EXOC6B: variants seen among roughly 807,000 people sequenced by gnomAD.
EXOC6B encodes SEC15 homolog B.
EXOC6B carries 54 observed loss-of-function variants against 113.5 expected under a neutral mutation model. That is an observed-to-expected ratio of 0.48 (90% CI 0.38 to 0.60). The LOEUF is 0.60. EXOC6B is among the 20% of genes least tolerant of loss of function. The probability of loss-of-function intolerance (pLI) is 0.00; values close to 1 mark genes in which losing one functional copy is unlikely to be tolerated. For synonymous variants in EXOC6B, 357 were observed against 339.0 expected (o/e 1.05, Z -0.58); for missense variants, 797 against 977.5 (o/e 0.82, Z 2.46).
At chr2:72,402,006 A>C (rs1693369215) in intron 18 of EXOC6B, among the ~76,000 whole-genome samples, 1 of 151,792 alleles carries the variant, frequency 6.6e-6, no homozygotes, top group South Asian at 2.1e-4. Flanking sequence ...TTTTTTAGAC[A>C]AAAAAATGGC....
rs1682942737 is a variant in EXOC6B, at chr2:72,764,425, G to T, written c.114-22956C>A. Among the ~76,000 whole-genome samples the T allele has an allele frequency of 1.5e-5, 2 of 131,964 alleles. 1 individual carries two copies. The highest frequency in any genetic ancestry group is 5.1e-4 in the South Asian group (2 of 3,922). 86.6% of individuals were successfully genotyped at this position (131,964 alleles called of 152,430 possible). On this transcript the variant is annotated intron_variant, in intron 1 of 21. Coordinates refer to ENST00000272427, the MANE Select transcript of EXOC6B (RefSeq NM_015189.3). Reference sequence around the variant, plus strand: ...CTCACTCTGTTGCCCAGGCTGGAGTGCAGTGGTGTGATCACAGCTCACTGT... The same window carrying T: ...CTCACTCTGTTGCCCAGGCTGGAGTTCAGTGGTGTGATCACAGCTCACTGT...
intron 1 of EXOC6B, among the ~76,000 whole-genome samples, chr2:72,766,826 C>T (rs1306372455): frequency 6.6e-6 from 1 of 151,486 alleles, no homozygotes; most frequent in Non-Finnish European, 1.5e-5. Flanking sequence ...TAGTGGTGCG[C>T]GTCTGTAATC....
At chr2:72,551,852 C>G (rs566413180) in intron 8 of EXOC6B, among the ~76,000 whole-genome samples, 1 of 152,156 alleles carries the variant, frequency 6.6e-6, no homozygotes, top group Non-Finnish European at 1.5e-5. Context: ...AGATACAATG[C>G]GGTCATACTA....
At chr2:72,699,867 AGCTAAAAATATG>A (rs1398759456) in intron 6 of EXOC6B, among the ~76,000 whole-genome samples, 1 of 152,178 alleles carries the variant, frequency 6.6e-6, no homozygotes, top group Non-Finnish European at 1.5e-5. Flanking sequence ...ACAAAATCTA[AGCTAAAAATATG>A]GCTTTCTATA....
rs75071457 is a variant in EXOC6B at position 72,630,303 on chromosome 2, G to C, written c.670-54635C>G. Among the ~76,000 whole-genome samples the C allele has an allele frequency of 5.5e-3, 842 of 152,208 alleles. 7 individuals are homozygous for C. The highest frequency in any genetic ancestry group is 0.02 in the African/African-American group (813 of 41,514). Reference sequence around the variant, plus strand: ...CTAAGTGTGAGATCACAAATGTGTGGTCTACCAATATTTAGAAATTAGGAG... The same window carrying C: ...CTAAGTGTGAGATCACAAATGTGTGCTCTACCAATATTTAGAAATTAGGAG... On this transcript the variant is annotated intron_variant, in intron 6 of 21. Transcript: ENST00000272427.
intron 18 of EXOC6B, among the ~76,000 whole-genome samples, chr2:72,417,928 T>C (rs1694631681): frequency 6.6e-6 from 1 of 152,132 alleles, no homozygotes; most frequent in Non-Finnish European, 1.5e-5. Flanking sequence ...CACACAGAGG[T>C]GAATTTTGTT....
intron 18 of EXOC6B, among the ~76,000 whole-genome samples, chr2:72,407,058 A>G (rs1188348472): frequency 6.6e-6 from 1 of 152,218 alleles, no homozygotes; most frequent in East Asian, 1.9e-4. Flanking sequence ...ACAGAAATAC[A>G]AACTACCATC....
chr2:72,360,140 T>C (rs1386791972), intron 19 of EXOC6B, among the ~76,000 whole-genome samples: 1 of 151,708 alleles, frequency 6.6e-6, no homozygotes, highest in Non-Finnish European at 1.5e-5. Flanking sequence ...CAAGTTGGAG[T>C]GCAGTGGCAC....
intron 19 of EXOC6B, among the ~76,000 whole-genome samples, chr2:72,365,076 C>T (rs1047343703): frequency 6.6e-6 from 1 of 151,970 alleles, no homozygotes; most frequent in African/African-American, 2.4e-5. Flanking sequence ...AGGAATGTGG[C>T]GGGCAACTTA....
intron 6 of EXOC6B, among the ~76,000 whole-genome samples, chr2:72,632,094 C>G (rs1672507572): frequency 6.6e-6 from 1 of 151,676 alleles, no homozygotes; most frequent in South Asian, 2.1e-4. Context: ...ATGGATATAA[C>G]TGATGATTTA....
chr2:72,823,479 C>CA (rs1214480106), intron 1 of EXOC6B, among the ~76,000 whole-genome samples: 29 of 95,352 alleles, frequency 3.0e-4, no homozygotes, highest in African/African-American at 8.5e-4. Flanking sequence ...AAAAAAAAAA[C>CA]AAAAAACAAA....
rs553577205 is a variant in EXOC6B, at chr2:72,282,343, ATT to A, written c.2196+52602_2196+52603del. ...AGTCTAAAGTTGAAGATTTTCTGGGATTTGTTACAATTATATTAGACTAATAA... is the reference window on the plus strand; with the variant it reads ...AGTCTAAAGTTGAAGATTTTCTGGGATGTTACAATTATATTAGACTAATAA... On this transcript the variant is annotated intron_variant, in intron 20 of 21. Transcript: ENST00000272427. 1.1e-4 allele frequency among the ~76,000 whole-genome samples: 17 copies of A among 152,218 alleles called. No homozygotes were observed. The East Asian group carries it at 3.1e-3, about 28-fold the overall frequency.
At chr2:72,339,901 C>T (rs1293548713) in intron 19 of EXOC6B, among the ~76,000 whole-genome samples, 1 of 152,006 alleles carries the variant, frequency 6.6e-6, no homozygotes, top group Non-Finnish European at 1.5e-5. Context: ...CTCATACACA[C>T]AAATATATAT....
chr2:72,482,270 T>C (rs1027847248), intron 16 of EXOC6B, among the ~76,000 whole-genome samples: 100 of 152,232 alleles, frequency 6.6e-4, no homozygotes, highest in African/African-American at 2.4e-3. Context: ...CTATTACTTA[T>C]TTCTTAACTA....
intron 6 of EXOC6B, among the ~76,000 whole-genome samples, chr2:72,682,000 TAAAA>T (rs34379127): frequency 7.0e-6 from 1 of 142,304 alleles, no homozygotes; most frequent in African/African-American, 2.6e-5. Flanking sequence ...CAGAATCTCT[TAAAA>T]AAAAAAAAAA....
At chr2:72,576,027 C>T (rs1166033511) in intron 6 of EXOC6B, among the ~76,000 whole-genome samples, 2 of 151,970 alleles carry the variant, frequency 1.3e-5, no homozygotes, top group Non-Finnish European at 2.9e-5. Context: ...CTTAGTAGGC[C>T]AGGAGATTAG....
At chr2:72,493,891 G>C (rs1699897169) in intron 15 of EXOC6B, among the ~76,000 whole-genome samples, 1 of 152,068 alleles carries the variant, frequency 6.6e-6, no homozygotes, top group Admixed American at 6.6e-5. Context: ...TTGAGAGCCT[G>C]CATGTAAAAG....
intron 6 of EXOC6B, among the ~76,000 whole-genome samples, chr2:72,587,022 A>G (rs908707401): frequency 2.6e-5 from 4 of 152,358 alleles, no homozygotes; most frequent in African/African-American, 9.6e-5. Flanking sequence ...CAAATAACTT[A>G]AAACAGAACT....
chr2:72,465,710 C>T (rs566291799), intron 17 of EXOC6B, among the ~76,000 whole-genome samples: 1 of 152,278 alleles, frequency 6.6e-6, no homozygotes, highest in Non-Finnish European at 1.5e-5. Flanking sequence ...TCCACAACAA[C>T]CAGTATTCCA....
Sources: allele counts gnomAD v4.1 joint callset (sites outside exome capture counted in the v4.1 genomes callset), GRCh38; gene constraint gnomAD v4.1.1; transcripts MANE v1.5; gene names NCBI Gene and HGNC (gene_info 2026-07-23, HGNC 2026-07-21).